Variants in TERB1 observed in about 807,000 individuals in gnomAD.
TERB1 encodes the protein telomere repeat binding bouquet formation protein 1.
In TERB1, 63 loss-of-function variants were observed where a neutral mutation model predicts 92.3. The ratio of observed to expected loss-of-function variants is 0.68; its 90% CI spans 0.56 to 0.84. The LOEUF is 0.84. Among genes scored for constraint, TERB1 ranks in the 40% least tolerant of loss-of-function variants. The pLI is 0.00. For missense variants in TERB1, 709 were observed against 843.7 expected (o/e 0.84, Z 1.98); for synonymous variants, 252 against 283.9 (o/e 0.89, Z 1.13).
intron 4 of TERB1, 78 bp from the exon 5 acceptor site, chr16:66,790,801 A>T: frequency 1.4e-6 from 2 of 1,476,816 alleles, no homozygotes; most frequent in East Asian, 5.0e-5. Flanking sequence ...TGAAGACGTA[A>T]CATGATATGT....
At chr16:66,788,434 C>T (rs570016756) in intron 5 of TERB1, 137 bp from the exon 6 acceptor site, 22 of 642,702 alleles carry the variant, frequency 3.4e-5, no homozygotes, top group Non-Finnish European at 4.6e-5. Flanking sequence ...ATTAGTCATA[C>T]AACAAAATTT....
chr16:66,771,507 C>T (rs1339199715), intron 13 of TERB1, among the ~76,000 whole-genome samples: 1 of 152,184 alleles, frequency 6.6e-6, no homozygotes, highest in Non-Finnish European at 1.5e-5. Context: ...CTAAAGTTCA[C>T]AGCATCCATG....
At chr16:66,796,704 T>C (rs549489130) in intron 3 of TERB1, 64 bp downstream of exon 3, 3 of 1,101,492 alleles carry the variant, frequency 2.7e-6, no homozygotes, top group South Asian at 2.8e-5. Flanking sequence ...TCCTGTCAGA[T>C]AATCTACAGT....
At chr16:66,772,991 GAC>G (rs2018479253) in intron 12 of TERB1, among the ~76,000 whole-genome samples, 1 of 152,112 alleles carries the variant, frequency 6.6e-6, no homozygotes, top group South Asian at 2.1e-4. Context: ...TGTTATGCCA[GAC>G]ACATAAACAC....
intron 15 of TERB1, 28 bp from the exon 16 acceptor site, chr16:66,767,538 T>C: frequency 1.5e-4 from 130 of 842,436 alleles, no homozygotes; most frequent in Non-Finnish European, 2.2e-4. Context: ...ATGAAGGATT[T>C]TTGGATTAAT....
chr16:66,793,211 G>GTTTTTTTTT (rs1174263983), intron 3 of TERB1, among the ~76,000 whole-genome samples: 8 of 93,542 alleles, frequency 8.6e-5, no homozygotes, highest in Non-Finnish European at 1.4e-4. Flanking sequence ...TTGTGGTTTG[G>GTTTTTTTTT]TTTTTTTTTT....
intron 3 of TERB1, among the ~76,000 whole-genome samples, chr16:66,794,968 T>C (rs1262773976): frequency 1.4e-5 from 2 of 147,368 alleles, no homozygotes; most frequent in Non-Finnish European, 3.0e-5. Flanking sequence ...ATTTGATAAA[T>C]TGGACTTAAC....
chr16:66,772,436 C>G (rs1206564413), intron 13 of TERB1, among the ~76,000 whole-genome samples, 153 bp downstream of exon 13: 1 of 152,068 alleles, frequency 6.6e-6, no homozygotes, highest in Admixed American at 6.6e-5. Context: ...GAGCCGAGAT[C>G]GTGCCACTGC....
chr16:66,783,090 G>C (rs2018665316), intron 9 of TERB1, among the ~76,000 whole-genome samples: 1 of 152,160 alleles, frequency 6.6e-6, no homozygotes, highest in Non-Finnish European at 1.5e-5. Context: ...CTAGATTCAA[G>C]TGGTCCTCCT....
chr16:66,797,885 GC>G (rs1278563792), intron 2 of TERB1, among the ~76,000 whole-genome samples: 3 of 151,846 alleles, frequency 2.0e-5, no homozygotes, highest in Non-Finnish European at 4.4e-5. Flanking sequence ...CTCTGATATG[GC>G]CTCTCACATA....
chr16:66,786,195 A>G, intron 7 of TERB1, 30 bp downstream of exon 7: 1 of 1,536,820 alleles, frequency 6.5e-7, no homozygotes, highest in Non-Finnish European at 8.8e-7. Flanking sequence ...GTAATGAATA[A>G]TTAACAAAAA....
At chr16:66,798,347 T>G (rs1959211284) in intron 2 of TERB1, among the ~76,000 whole-genome samples, 2 of 152,042 alleles carry the variant, frequency 1.3e-5, no homozygotes, top group Non-Finnish European at 2.9e-5. Context: ...ACTGGGCTAA[T>G]TTTTTAATAT....
At chr16:66,772,996 A>T (rs1485418133) in intron 12 of TERB1, among the ~76,000 whole-genome samples, 1 of 152,204 alleles carries the variant, frequency 6.6e-6, no homozygotes, top group Non-Finnish European at 1.5e-5. Context: ...TGCCAGACAC[A>T]TAAACACCCT....
chr16:66,777,142 A>T, intron 11 of TERB1, 61 bp downstream of exon 11: 6 of 1,433,352 alleles, frequency 4.2e-6, no homozygotes, highest in African/African-American at 2.9e-5. Context: ...GAAAAAAAAA[A>T]ACAGAAGTAT....
intron 3 of TERB1, among the ~76,000 whole-genome samples, chr16:66,795,776 G>T (rs2018919835): frequency 6.6e-6 from 1 of 152,102 alleles, no homozygotes. Flanking sequence ...ATTTATGAAT[G>T]AATGACAGGG....
At chr16:66,780,921 T>G (rs1450080943) in intron 9 of TERB1, among the ~76,000 whole-genome samples, 1 of 152,192 alleles carries the variant, frequency 6.6e-6, no homozygotes, top group Non-Finnish European at 1.5e-5. Context: ...ATCAGCAATG[T>G]GTGAAAGTTC....
chr16:66,792,593 T>C (rs1330609062), intron 3 of TERB1, among the ~76,000 whole-genome samples: 1 of 152,224 alleles, frequency 6.6e-6, no homozygotes, highest in Non-Finnish European at 1.5e-5. Flanking sequence ...TAAAAATAGA[T>C]TGTACAGCCA....
At chr16:66,760,130 C>CAAAA (rs148772308) in intron 16 of TERB1, among the ~76,000 whole-genome samples, 19 of 23,362 alleles carry the variant, frequency 8.1e-4, no homozygotes, top group East Asian at 3.1e-3. Context: ...GACTCCATCT[C>CAAAA]AAAAAAAAAA....
chr16:66,788,224 G>A lies in TERB1; in HGVS notation c.345C>T (p.Asn115=). Residue 115 remains asparagine, a synonymous_variant, in exon 6 of 19, where the codon AAC becomes AAT. Coordinates refer to ENST00000433154, the MANE Select transcript of TERB1 (RefSeq NM_001136505.2). ...DLTWFLSNDS[N]INLKRMSVYV... The stretch of plus-strand genomic sequence containing the variant: ...AAACAGACATTCTTTTCAAATTTAT[G>A]TTTGAATCATTAGATAAGAACCAAG... 1.3e-6 allele frequency: 2 copies of A among 1,510,432 alleles called. No homozygotes were observed. The highest frequency in any genetic ancestry group is 2.6e-5 in the East Asian group (1 of 38,852). 93.6% of individuals were successfully genotyped at this position (1,510,432 alleles called of 1,614,324 possible).
Sources: allele counts gnomAD v4.1 joint callset (sites outside exome capture counted in the v4.1 genomes callset), GRCh38; gene constraint gnomAD v4.1.1; transcripts MANE v1.5; gene names NCBI Gene and HGNC (gene_info 2026-07-23, HGNC 2026-07-21).